Variants in AGAP1 observed in about 807,000 individuals in gnomAD.
The protein encoded by AGAP1 is arf-GAP with GTPase, ANK repeat and PH domain-containing protein 1.
AGAP1 carries 29 observed loss-of-function variants against 105.3 expected under a neutral mutation model. The observed-to-expected ratio is 0.28, with a 90% CI of 0.21 to 0.38. The LOEUF is 0.38. Among genes scored for constraint, AGAP1 ranks in the 10% least tolerant of loss-of-function variants. The probability of loss-of-function intolerance (pLI) is 1.00; values close to 1 mark genes in which losing one functional copy is unlikely to be tolerated. For synonymous variants in AGAP1, 509 were observed against 485.9 expected (o/e 1.05, Z -0.63); for missense variants, 998 against 1,165.1 (o/e 0.86, Z 2.09).
rs2052705651 is a variant in AGAP1, at chr2:235,931,231, G to A, written c.1483+308G>A. On this transcript the variant is annotated intron_variant, in intron 12 of 17. Coordinates refer to ENST00000304032, the MANE Select transcript of AGAP1 (RefSeq NM_001037131.3). This position sits in a 1 kb window ranked among gnomAD's most constrained non-coding sequence, Gnocchi z 5.6. ...GCTTACCCAGGGTCACGTGACAGAA[G>A]TGGCAGCGCTGAGAAATAAGATCTG... Among the ~76,000 whole-genome samples, 1 of 152,194 alleles carries A rather than the reference G, an allele frequency of 6.6e-6. No individual in the cohort carries two copies. The highest frequency in any genetic ancestry group is 2.1e-4 in the South Asian group (1 of 4,836).
chr2:235,923,399 T>G (rs2052282087), intron 11 of AGAP1, among the ~76,000 whole-genome samples: 1 of 152,140 alleles, frequency 6.6e-6, no homozygotes, highest in Non-Finnish European at 1.5e-5. Context: ...TGGTACAACA[T>G]ACACATAAGA....
At chr2:235,907,086 C>T (rs2051342271) in intron 10 of AGAP1, among the ~76,000 whole-genome samples, 1 of 152,198 alleles carries the variant, frequency 6.6e-6, no homozygotes, top group Non-Finnish European at 1.5e-5. Flanking sequence ...GCTTTGGCCT[C>T]TCTGCTACCC....
In AGAP1 at chr2:235,712,391, C is replaced by T. The variant is rs755869523; in HGVS notation, c.222+3154C>T. Reference sequence around the variant, plus strand: ...CTTTTGGTGCTGCACAGGAGCCAACCGCTGCTGGCTGCAGATGTGTGCCCA... The same window carrying T: ...CTTTTGGTGCTGCACAGGAGCCAACTGCTGCTGGCTGCAGATGTGTGCCCA... On this transcript the variant is annotated intron_variant, in intron 2 of 17. Transcript: ENST00000304032. This position sits in a 1 kb window ranked among gnomAD's most constrained non-coding sequence, Gnocchi z 6.0. Among the ~76,000 whole-genome samples the T allele has an allele frequency of 5.3e-5, 8 of 152,198 alleles. No homozygotes were observed. Among genetic ancestry groups the T allele is most frequent in the African/African-American group, 1.9e-4 (8 of 41,454 alleles).
In AGAP1 at chr2:235,976,657, A is replaced by G. The variant is rs1040741169; in HGVS notation, c.1645+8034A>G. On this transcript the variant is annotated intron_variant, in intron 13 of 17. Transcript: ENST00000304032. The surrounding 1 kb of genome is among the most constrained non-coding windows in gnomAD (Gnocchi z 4.5). The stretch of plus-strand genomic sequence containing the variant: ...TTGTCTGATGCTGGATGGGACATCA[A>G]CTGAAGCGGCCCAGCCATCAGGACA... 5.3e-5 allele frequency among the ~76,000 whole-genome samples: 8 copies of G among 152,206 alleles called. No homozygotes were observed. Among genetic ancestry groups the G allele is most frequent in the African/African-American group, 1.9e-4 (8 of 41,452 alleles).
chr2:235,904,404 A>G lies in AGAP1; in HGVS notation c.1156-4334A>G, dbSNP rs1200908263. On this transcript the variant is annotated intron_variant, in intron 10 of 17. Transcript: ENST00000304032. The surrounding 1 kb of genome is among the most constrained non-coding windows in gnomAD (Gnocchi z 4.2). ...GAAGGAAAATGCAAATAGGTTTGCA[A>G]TTACTACTTTTTCAAGCTGTTGAGG... 6.6e-6 allele frequency among the ~76,000 whole-genome samples: 1 copy of G among 152,108 alleles called. No homozygotes were observed. Among genetic ancestry groups the G allele is most frequent in the African/African-American group, 2.4e-5 (1 of 41,424 alleles).
intron 13 of AGAP1, among the ~76,000 whole-genome samples, chr2:236,028,309 C>T (rs755981022): frequency 6.6e-6 from 1 of 152,156 alleles, no homozygotes; most frequent in Non-Finnish European, 1.5e-5. Context: ...GAGCAGGCCA[C>T]CCTCAGGCTC....
chr2:236,090,134 C>G lies in AGAP1; in HGVS notation c.2115-30058C>G, dbSNP rs1456692532. On this transcript the variant is annotated intron_variant, in intron 16 of 17. Transcript: ENST00000304032. This position sits in a 1 kb window ranked among gnomAD's most constrained non-coding sequence, Gnocchi z 4.3. ...GCGCGCCTGAGCCCTTCACAGAGAC[C>G]GGCCGTGTCCTCACCCCTCTGTCAC... 6.6e-6 allele frequency among the ~76,000 whole-genome samples: 1 copy of G among 152,164 alleles called. No homozygotes were observed.
Position 236,040,510 on chromosome 2 carries a change from A to C in AGAP1, c.1801-241A>C. 1 of 526,424 alleles carries C rather than the reference A, an allele frequency of 1.9e-6. No individual in the cohort carries two copies. 32.6% of individuals were successfully genotyped at this position (526,424 alleles called of 1,614,324 possible). Reference sequence around the variant, plus strand: ...ACTCTCCTCTTTGCTCATTTCTGGCAGAGTCCGTCTCAGCTGATGAGTTAA... The same window carrying C: ...ACTCTCCTCTTTGCTCATTTCTGGCCGAGTCCGTCTCAGCTGATGAGTTAA... On this transcript the variant is annotated intron_variant, in intron 14 of 17. Coordinates refer to ENST00000304032, the MANE Select transcript of AGAP1 (RefSeq NM_001037131.3). This position sits in a 1 kb window ranked among gnomAD's most constrained non-coding sequence, Gnocchi z 5.6.
At chr2:235,813,897 G>A (rs1253450423) in intron 9 of AGAP1, among the ~76,000 whole-genome samples, 1 of 152,196 alleles carries the variant, frequency 6.6e-6, no homozygotes, top group African/African-American at 2.4e-5. Flanking sequence ...GCGATGGAGT[G>A]GGAAGGTGGT....
chr2:235,630,674 G>A (rs1456250012), intron 1 of AGAP1, among the ~76,000 whole-genome samples: 1 of 152,248 alleles, frequency 6.6e-6, no homozygotes, highest in Non-Finnish European at 1.5e-5. Flanking sequence ...GCTGATGTGT[G>A]CCTCAGTTCT....
At chr2:236,028,029 TCC>T (rs1005575741) in intron 13 of AGAP1, among the ~76,000 whole-genome samples, 1 of 152,054 alleles carries the variant, frequency 6.6e-6, no homozygotes, top group African/African-American at 2.4e-5. Context: ...TGCACGGGAC[TCC>T]CCCTCAAGAA....
chr2:235,972,513 G>C (rs1459728484), intron 13 of AGAP1, among the ~76,000 whole-genome samples: 1 of 151,408 alleles, frequency 6.6e-6, no homozygotes, highest in Non-Finnish European at 1.5e-5. Flanking sequence ...GGTGTAACGG[G>C]GTGAGGAGAG....
In AGAP1 at chr2:235,725,619, A is replaced by G. The variant is rs141998989; in HGVS notation, c.310+7975A>G. Among the ~76,000 whole-genome samples the G allele has an allele frequency of 6.6e-3, 1,011 of 152,342 alleles. 9 individuals are homozygous for G. Among genetic ancestry groups the G allele is most frequent in the African/African-American group, 0.023 (958 of 41,572 alleles). ...CCGTTAGTTGCAACCAAGTGATTAT[A>G]AACACATGATAATTTTTTAATGAGA... On this transcript the variant is annotated intron_variant, in intron 3 of 17. Transcript: ENST00000304032. This position sits in a 1 kb window ranked among gnomAD's most constrained non-coding sequence, Gnocchi z 5.7.
chr2:235,638,420 G>T (rs1158128511), intron 1 of AGAP1, among the ~76,000 whole-genome samples: 1 of 152,186 alleles, frequency 6.6e-6, no homozygotes, highest in Non-Finnish European at 1.5e-5. Flanking sequence ...AAGTCGTGGG[G>T]AAAACTGCAG....
At chr2:235,998,938 A>G (rs1279659390) in intron 13 of AGAP1, among the ~76,000 whole-genome samples, 1 of 149,132 alleles carries the variant, frequency 6.7e-6, no homozygotes, top group Non-Finnish European at 1.5e-5. Context: ...TCAATATGGT[A>G]TGGTGGTGAT....
intron 11 of AGAP1, among the ~76,000 whole-genome samples, chr2:235,922,044 C>T (rs1254509569): frequency 2.0e-5 from 3 of 152,206 alleles, no homozygotes; most frequent in Non-Finnish European, 4.4e-5. Flanking sequence ...CTGTTAACGT[C>T]GCCTCCTTCA....
rs1468345754 is a variant in AGAP1, at chr2:235,927,516, G to T, written c.1325-3249G>T. Reference sequence around the variant, plus strand: ...GAAGGAATCTCTCCCTTCCTTTTTGGCAGTGTGATGTTTGGCCATGAGATG... The same window carrying T: ...GAAGGAATCTCTCCCTTCCTTTTTGTCAGTGTGATGTTTGGCCATGAGATG... On this transcript the variant is annotated intron_variant, in intron 11 of 17. Transcript: ENST00000304032. The surrounding 1 kb of genome is among the most constrained non-coding windows in gnomAD (Gnocchi z 4.4). Among the ~76,000 whole-genome samples, 1 of 152,076 alleles carries T rather than the reference G, an allele frequency of 6.6e-6. No individual in the cohort carries two copies. Among genetic ancestry groups the T allele is most frequent in the African/African-American group, 2.4e-5 (1 of 41,420 alleles).
rs751731858 is a variant in AGAP1, at chr2:235,577,396, G to A, written c.163+82547G>A. ...CTGGAGCTACTGTATTGGGCACCAC[G>A]GCCTTAGGGTTTTGATTAAAACCCC... is the stretch of plus-strand genomic sequence containing the variant. On this transcript the variant is annotated intron_variant, in intron 1 of 17. Transcript: ENST00000304032. The surrounding 1 kb of genome is among the most constrained non-coding windows in gnomAD (Gnocchi z 4.5). Among the ~76,000 whole-genome samples the A allele has an allele frequency of 6.6e-5, 10 of 152,130 alleles. No homozygotes were observed. The highest frequency in any genetic ancestry group is 7.3e-5 in the Non-Finnish European group (5 of 68,030).
intron 6 of AGAP1, among the ~76,000 whole-genome samples, chr2:235,766,373 TAATTTAGTA>T (rs1954952570): frequency 6.6e-6 from 1 of 152,196 alleles, no homozygotes; most frequent in African/African-American, 2.4e-5. Context: ...AGTGCTGTTG[TAATTTAGTA>T]AACCGCCACT....
Sources: gnomAD v4.1 joint callset for allele counts (sites outside exome capture counted in the v4.1 genomes callset) on GRCh38, gnomAD v4.1.1 for gene constraint, Gnocchi (gnomAD v3.1) non-coding constraint, MANE v1.5 for transcripts, NCBI Gene and HGNC (gene_info 2026-07-23, HGNC 2026-07-21) for gene names.